Variants in SEMA5A observed in about 807,000 individuals in gnomAD.
The protein encoded by SEMA5A is semaphorin 5A, also known as semaphorin-5A.
SEMA5A carries 55 observed loss-of-function variants against 135.5 expected under a neutral mutation model. The ratio of observed to expected loss-of-function variants is 0.41; its 90% CI spans 0.33 to 0.51. The LOEUF is 0.51. Ranked by LOEUF, SEMA5A falls within the 20% of genes least tolerant of loss-of-function variation. The probability of loss-of-function intolerance (pLI) is 0.37; values close to 1 mark genes in which losing one functional copy is unlikely to be tolerated. For synonymous variants in SEMA5A, 580 were observed against 546.5 expected (o/e 1.06, Z -0.85); for missense variants, 1,290 against 1,419.9 (o/e 0.91, Z 1.47).
chr5:9,488,141 T>G (rs952938281), intron 1 of SEMA5A, among the ~76,000 whole-genome samples: 8 of 152,336 alleles, frequency 5.3e-5, no homozygotes, highest in Admixed American at 5.2e-4. Context: ...TCTGTGTCTA[T>G]AGGTACTGAA....
chr5:9,127,305 T>C (rs1359317699), intron 13 of SEMA5A, among the ~76,000 whole-genome samples: 1 of 152,178 alleles, frequency 6.6e-6, no homozygotes, highest in African/African-American at 2.4e-5. Context: ...TAATCCACCA[T>C]GCTGACTTCT....
rs201627252 is a variant in SEMA5A, at chr5:9,366,028, GACTA to G, written c.124+13791_124+13794del. On this transcript the variant is annotated intron_variant, in intron 3 of 22. Coordinates refer to ENST00000382496, the MANE Select transcript of SEMA5A (RefSeq NM_003966.3). ...ATCCTTATGATATAAACCACAATTAGACTAACTATCTATTACCTGAAGTCAAAAT... is the reference window on the plus strand; with the variant it reads ...ATCCTTATGATATAAACCACAATTAGACTATCTATTACCTGAAGTCAAAAT... Among the ~76,000 whole-genome samples, 1,352 of 152,244 alleles carry G rather than the reference GACTA, an allele frequency of 8.9e-3. 22 individuals are homozygous for G. The highest frequency in any genetic ancestry group is 0.031 in the African/African-American group (1,280 of 41,538).
chr5:9,330,793 C>G (rs1753098315), intron 4 of SEMA5A, among the ~76,000 whole-genome samples: 1 of 151,980 alleles, frequency 6.6e-6, no homozygotes, highest in Non-Finnish European at 1.5e-5. Flanking sequence ...TGCATAGGGG[C>G]CAGCCCTGAG....
At chr5:9,497,997 CT>C (rs1735388558) in intron 1 of SEMA5A, among the ~76,000 whole-genome samples, 1 of 152,190 alleles carries the variant, frequency 6.6e-6, no homozygotes, top group Non-Finnish European at 1.5e-5. Flanking sequence ...CAAGTTAACC[CT>C]AACAGTCTAT....
intron 2 of SEMA5A, among the ~76,000 whole-genome samples, chr5:9,427,055 G>A (rs1454725072): frequency 2.0e-5 from 3 of 151,702 alleles, no homozygotes; most frequent in Non-Finnish European, 4.4e-5. Flanking sequence ...GCTCATGCCT[G>A]TAATCCCAGC....
intron 11 of SEMA5A, among the ~76,000 whole-genome samples, chr5:9,177,044 A>G (rs1744243664): frequency 6.6e-6 from 1 of 152,256 alleles, no homozygotes; most frequent in Non-Finnish European, 1.5e-5. Context: ...AATAAAGCCC[A>G]TGCTTACCCA....
At chr5:9,096,239 C>T (rs531945442) in intron 16 of SEMA5A, among the ~76,000 whole-genome samples, 1 of 152,244 alleles carries the variant, frequency 6.6e-6, no homozygotes, top group South Asian at 2.1e-4. Flanking sequence ...CTGAATACAA[C>T]ACACCATCAT....
chr5:9,245,173 T>C (rs1748420894), intron 5 of SEMA5A, among the ~76,000 whole-genome samples: 1 of 152,132 alleles, frequency 6.6e-6, no homozygotes, highest in Admixed American at 6.6e-5. Flanking sequence ...TGGTGAAATC[T>C]CAAGCCACCC....
intron 5 of SEMA5A, among the ~76,000 whole-genome samples, chr5:9,267,924 T>A (rs886851346): frequency 6.6e-6 from 1 of 152,138 alleles, no homozygotes; most frequent in Admixed American, 6.5e-5. Context: ...AAAGCTTTTT[T>A]CAAAAGTGTA....
chr5:9,409,617 A>G (rs1262713231), intron 2 of SEMA5A, among the ~76,000 whole-genome samples: 4 of 152,070 alleles, frequency 2.6e-5, no homozygotes, highest in Admixed American at 1.3e-4. Context: ...TCTGTAACTG[A>G]TTTACTGGCT....
At chr5:9,533,342 T>G (rs1737563702) in intron 1 of SEMA5A, among the ~76,000 whole-genome samples, 1 of 152,234 alleles carries the variant, frequency 6.6e-6, no homozygotes, top group Admixed American at 6.5e-5. Context: ...TCAAATTTCA[T>G]GATACGGAAT....
intron 16 of SEMA5A, among the ~76,000 whole-genome samples, chr5:9,084,567 CTT>C (rs1738573370): frequency 6.6e-6 from 1 of 152,190 alleles, no homozygotes; most frequent in Non-Finnish European, 1.5e-5. Context: ...GCCCTCTTCT[CTT>C]GTCTCCTGCC....
At position 9,406,836 on chromosome 5, in the gene SEMA5A, T is replaced by C. The variant is rs374687791; in HGVS notation, c.-77-26813A>G. 2.6e-5 allele frequency among the ~76,000 whole-genome samples: 4 copies of C among 152,328 alleles called. No individual in the cohort carries two copies. In the East Asian group the frequency reaches 5.8e-4, roughly 22 times the overall value. ...CCCAATGCAAGTAGGTGTCCTGTAG[T>C]AGATAGATTTCAAACAGGTCTTTCA... is the stretch of plus-strand genomic sequence containing the variant. On this transcript the variant is annotated intron_variant, in intron 2 of 22. Coordinates refer to ENST00000382496, the MANE Select transcript of SEMA5A (RefSeq NM_003966.3).
chr5:9,197,460 T>C (rs1745457776), intron 9 of SEMA5A, among the ~76,000 whole-genome samples, 157 bp from the exon 10 acceptor site: 1 of 152,196 alleles, frequency 6.6e-6, no homozygotes, highest in Non-Finnish European at 1.5e-5. Flanking sequence ...AGAGCGTGAA[T>C]GGGGCTCCCC....
At chr5:9,325,190 C>T (rs868257764) in intron 4 of SEMA5A, among the ~76,000 whole-genome samples, 1 of 151,132 alleles carries the variant, frequency 6.6e-6, no homozygotes, top group African/African-American at 2.4e-5. Context: ...AGTGTTATGG[C>T]TATAGCAAAT....
chr5:9,227,054 T>C, intron 6 of SEMA5A, 87 bp from the exon 7 acceptor site: 2 of 582,314 alleles, frequency 3.4e-6, no homozygotes, highest in Non-Finnish European at 5.1e-6. Flanking sequence ...ACAAGAAGAA[T>C]GGTGAGAAGG....
intron 17 of SEMA5A, among the ~76,000 whole-genome samples, chr5:9,064,539 A>G (rs1737356777): frequency 1.7e-5 from 1 of 59,070 alleles, no homozygotes; most frequent in African/African-American, 5.6e-5. Context: ...AAACTAACAC[A>G]AGAACAAAAA....
rs764336994 is a variant in SEMA5A, at chr5:9,044,457, G to A, written c.3021C>T (p.His1007=). 9 of 1,613,886 alleles carry A rather than the reference G, an allele frequency of 5.6e-6. No homozygotes were observed. In the South Asian group the frequency reaches 6.6e-5, roughly 12 times the overall value. ...QQQSHDATVI[H]PVSPAPLNTS... is the part of the protein sequence containing the mutation. ...TATTAAGGGGGGCAGGTGAGACGGGGTGGATGACAGTCGCATCGTGGGATT... is the reference window on the plus strand; with the variant it reads ...TATTAAGGGGGGCAGGTGAGACGGGATGGATGACAGTCGCATCGTGGGATT... Residue 1007 remains histidine, a synonymous_variant, in exon 22 of 23, where the codon CAC becomes CAT. Transcript: ENST00000382496.
At chr5:9,324,430 C>T (rs1579345908) in intron 4 of SEMA5A, among the ~76,000 whole-genome samples, 1 of 152,176 alleles carries the variant, frequency 6.6e-6, no homozygotes, top group African/African-American at 2.4e-5. Flanking sequence ...AATCACATCC[C>T]AAGAACCTAA....
Sources: gnomAD v4.1 joint callset for allele counts (sites outside exome capture counted in the v4.1 genomes callset) on GRCh38, gnomAD v4.1.1 for gene constraint, MANE v1.5 for transcripts, NCBI Gene and HGNC (gene_info 2026-07-23, HGNC 2026-07-21) for gene names.